MPHOSPH9: variants seen among roughly 807,000 people sequenced by gnomAD.
MPHOSPH9 encodes M-phase phosphoprotein 9.
Under a neutral mutation model 145.5 loss-of-function variants are expected in MPHOSPH9, and 88 were observed. The observed-to-expected ratio is 0.60, with a 90% CI of 0.51 to 0.72. The LOEUF (loss-of-function observed/expected upper bound fraction) is 0.72, where lower values mean the gene tolerates loss of function less well. Ranked by LOEUF, MPHOSPH9 falls within the 30% of genes least tolerant of loss-of-function variation. The pLI, the probability that MPHOSPH9 is intolerant of heterozygous loss-of-function variation, is 0.00. For missense variants in MPHOSPH9, 1,238 were observed against 1,386.6 expected (o/e 0.89, Z 1.70); for synonymous variants, 435 against 486.2 (o/e 0.89, Z 1.39).
At chr12:123,206,555 T>A (rs568187013) in intron 8 of MPHOSPH9, among the ~76,000 whole-genome samples, 1 of 151,542 alleles carries the variant, frequency 6.6e-6, no homozygotes, top group Non-Finnish European at 1.5e-5. Flanking sequence ...TATAACACTC[T>A]GAGAAGGAAA....
rs865923673 is a variant in MPHOSPH9, at chr12:123,208,209, A to T, written c.1194+1847T>A. Among the ~76,000 whole-genome samples, 17 of 89,890 alleles carry T rather than the reference A, an allele frequency of 1.9e-4. No homozygotes were observed. The East Asian group carries it at 3.7e-3, about 19-fold the overall frequency. 59.0% of individuals were successfully genotyped at this position (89,890 alleles called of 152,430 possible). ...GTCTCAAAAAAAAAAAAAAAAAAAA[A>T]TTTTTTTTTTAAATGTACCTTTCTT... On this transcript the variant is annotated intron_variant, in intron 8 of 23. Transcript: ENST00000606320.
chr12:123,175,404 C>T lies in MPHOSPH9; in HGVS notation c.2456+1284G>A, dbSNP rs529669210. Among the ~76,000 whole-genome samples, 16 of 152,236 alleles carry T rather than the reference C, an allele frequency of 1.1e-4. No individual in the cohort carries two copies. The South Asian group carries it at 2.9e-3, about 28-fold the overall frequency. On this transcript the variant is annotated intron_variant, in intron 16 of 23. Transcript: ENST00000606320. ...TCCTGACCTTGTGATCCGCCCGCCT[C>T]GGCCTCCCAAACTGCTGGGATTACA...
intron 3 of MPHOSPH9, among the ~76,000 whole-genome samples, chr12:123,224,286 A>G (rs2047348415): frequency 6.6e-6 from 1 of 151,748 alleles, no homozygotes; most frequent in South Asian, 2.1e-4. Flanking sequence ...GGCACCCGCC[A>G]CCACACCCGG....
intron 23 of MPHOSPH9, 90 bp downstream of exon 23, chr12:123,160,691 C>G: frequency 8.2e-7 from 1 of 1,221,218 alleles, no homozygotes. Flanking sequence ...CTAATTTTCA[C>G]TGTGCCATGA....
chr12:123,192,800 A>G (rs2045747756), intron 13 of MPHOSPH9, among the ~76,000 whole-genome samples: 1 of 151,904 alleles, frequency 6.6e-6, no homozygotes, highest in East Asian at 1.9e-4. Flanking sequence ...TATTTTACAA[A>G]TTACTAAAAG....
chr12:123,228,174 G>T (rs1389619140), intron 2 of MPHOSPH9, among the ~76,000 whole-genome samples: 3 of 152,106 alleles, frequency 2.0e-5, no homozygotes, highest in African/African-American at 7.2e-5. Flanking sequence ...AGTTTTTCCA[G>T]GAGTACTGCT....
chr12:123,202,674 G>C lies in MPHOSPH9; in HGVS notation c.1731C>G (p.Val577=). The change falls in exon 10 of 24, where the codon GTC becomes GTG. Residue 577 remains valine, a synonymous_variant. Coordinates refer to ENST00000606320, the MANE Select transcript of MPHOSPH9 (RefSeq NM_022782.4). ...QSQLPGTANS[V]PECISLTSLE... Reference sequence around the variant, plus strand: ...AGGAAGTCAATGAAATGCATTCTGGGACACTGTTGGCTGTACCTGGAAGCT... The same window carrying C: ...AGGAAGTCAATGAAATGCATTCTGGCACACTGTTGGCTGTACCTGGAAGCT... 6.2e-7 allele frequency: 1 copy of C among 1,614,146 alleles called. No individual in the cohort carries two copies. The highest frequency in any genetic ancestry group is 8.5e-7 in the Non-Finnish European group (1 of 1,180,024).
chr12:123,232,028 C>G (rs1275312263), intron 1 of MPHOSPH9, among the ~76,000 whole-genome samples: 1 of 150,816 alleles, frequency 6.6e-6, no homozygotes, highest in Non-Finnish European at 1.5e-5. Context: ...GGAGTGAATG[C>G]AAAGGGTAAC....
intron 13 of MPHOSPH9, among the ~76,000 whole-genome samples, chr12:123,191,723 C>T (rs1434505810): frequency 2.0e-5 from 3 of 152,076 alleles, no homozygotes; most frequent in African/African-American, 4.8e-5. Context: ...AGTGCTGTGC[C>T]AGGAAATATG....
chr12:123,183,093 C>CA (rs2045265444), intron 13 of MPHOSPH9, among the ~76,000 whole-genome samples: 1 of 151,758 alleles, frequency 6.6e-6, no homozygotes, highest in South Asian at 2.1e-4. Context: ...TATAAGAACA[C>CA]ATATGTGAGA....
rs986242847 is a variant in MPHOSPH9 at position 123,198,342 on chromosome 12, C to A, written c.1938-8G>T. On this transcript the variant is annotated splice_region_variant and splice_polypyrimidine_tract_variant and intron_variant, in intron 11 of 23. Transcript: ENST00000606320. The stretch of plus-strand genomic sequence containing the variant: ...CTATCTAATTGGCCACATCTAAAAA[C>A]CATAAATTTAGCTTCAATTAGAAGA... 1.9e-6 allele frequency: 3 copies of A among 1,604,540 alleles called. No homozygotes were observed. Among genetic ancestry groups the A allele is most frequent in the South Asian group, 1.1e-5 (1 of 89,862 alleles).
upstream of MPHOSPH9, among the ~76,000 whole-genome samples, chr12:123,235,199 C>T (rs1255997203): frequency 2.0e-5 from 3 of 152,118 alleles, no homozygotes; most frequent in Non-Finnish European, 4.4e-5. Flanking sequence ...TGATTTTGTT[C>T]GCACTCTAGG....
At chr12:123,198,001 G>A (rs1248206445) in intron 12 of MPHOSPH9, among the ~76,000 whole-genome samples, 4 of 145,426 alleles carry the variant, frequency 2.8e-5, no homozygotes, top group Admixed American at 6.9e-5. Context: ...GGAGAATGGC[G>A]TGAACCCGGG....
At chr12:123,169,934 A>G (rs1789894758) in intron 16 of MPHOSPH9, among the ~76,000 whole-genome samples, 2 of 151,582 alleles carry the variant, frequency 1.3e-5, no homozygotes, top group Admixed American at 1.3e-4. Context: ...ATTTTTATAT[A>G]TTTAATTACA....
At chr12:123,202,025 G>C in intron 11 of MPHOSPH9, 139 bp downstream of exon 11, 1 of 924,598 alleles carries the variant, frequency 1.1e-6, no homozygotes, top group Non-Finnish European at 1.6e-6. Context: ...GGGGGGTTTA[G>C]CTTCAAAAAT....
intron 1 of MPHOSPH9, among the ~76,000 whole-genome samples, chr12:123,240,212 A>T (rs1216284950): frequency 9.1e-5 from 1 of 10,992 alleles, no homozygotes; most frequent in Non-Finnish European, 4.2e-3. Context: ...AAAAATACAA[A>T]AAAAAAAAAA....
intron 13 of MPHOSPH9, among the ~76,000 whole-genome samples, chr12:123,181,871 C>A (rs975237208): frequency 1.3e-5 from 2 of 152,058 alleles, no homozygotes; most frequent in Non-Finnish European, 1.5e-5. Context: ...GGCCACAGAG[C>A]GAGACCCTGT....
At chr12:123,229,512 GTC>G (rs2047557594) in intron 2 of MPHOSPH9, among the ~76,000 whole-genome samples, 1 of 152,322 alleles carries the variant, frequency 6.6e-6, no homozygotes, top group Middle Eastern at 3.4e-3. Flanking sequence ...TCTACTTAGA[GTC>G]TGTTATTGTC....
At chr12:123,177,947 T>C (rs1251972269) in intron 15 of MPHOSPH9, among the ~76,000 whole-genome samples, 1 of 152,204 alleles carries the variant, frequency 6.6e-6, no homozygotes, top group East Asian at 1.9e-4. Flanking sequence ...ATTTGTGCCA[T>C]GTTCAAAATA....
Sources: gnomAD v4.1 joint callset for allele counts (sites outside exome capture counted in the v4.1 genomes callset) on GRCh38, gnomAD v4.1.1 for gene constraint, MANE v1.5 for transcripts, NCBI Gene and HGNC (gene_info 2026-07-23, HGNC 2026-07-21) for gene names.